GRHL3: variants seen among roughly 807,000 people sequenced by gnomAD.
The protein encoded by GRHL3 is grainyhead-like protein 3 homolog.
In GRHL3, 20 loss-of-function variants were observed where a neutral mutation model predicts 70.3. The ratio of observed to expected loss-of-function variants is 0.28; its 90% CI spans 0.20 to 0.41. The LOEUF is 0.41. Among genes scored for constraint, GRHL3 ranks in the 10% least tolerant of loss-of-function variants. The pLI is 1.00. For missense variants in GRHL3, 637 were observed against 762.3 expected, an observed-to-expected ratio of 0.84 and a Z score of 1.94; for synonymous variants, 299 against 299.9, an observed-to-expected ratio of 1.00 and a Z score of 0.03.
intron 15 of GRHL3, among the ~76,000 whole-genome samples, chr1:24,353,708 G>A (rs549429856): frequency 2.0e-5 from 3 of 152,286 alleles, no homozygotes; most frequent in African/African-American, 7.2e-5. Context: ...ATCAGGAGCA[G>A]CTTCTAGAGG....
intron 1 of GRHL3, among the ~76,000 whole-genome samples, chr1:24,320,917 C>T (rs1012901755): frequency 6.6e-6 from 1 of 152,174 alleles, no homozygotes; most frequent in African/African-American, 2.4e-5. Flanking sequence ...ACAGTAGTAT[C>T]CACCTCATGG....
chr1:24,353,860 G>A lies in GRHL3; in HGVS notation c.1695-514G>A, dbSNP rs750435108. On this transcript the variant is annotated intron_variant, in intron 15 of 15. Transcript: ENST00000361548. ...GTGGGCCTAGCCCCTCAAGTCTATC[G>A]GACAATCCTCCTGAGATTTCAGCTT... is the stretch of plus-strand genomic sequence containing the variant. Among the ~76,000 whole-genome samples the A allele has an allele frequency of 3.2e-4, 49 of 152,032 alleles. 1 individual carries two copies. The highest frequency in any genetic ancestry group is 1.0e-4 in the Non-Finnish European group (7 of 68,018).
chr1:24,358,284 G>C (rs957428192), downstream of GRHL3: 15 of 656,122 alleles, frequency 2.3e-5, no homozygotes, highest in Non-Finnish European at 3.9e-5. Flanking sequence ...CAGCCAGGGG[G>C]CTCTGTCCAC....
intron 7 of GRHL3, among the ~76,000 whole-genome samples, chr1:24,339,016 T>C (rs1639933763): frequency 1.3e-5 from 2 of 152,224 alleles, no homozygotes; most frequent in African/African-American, 4.8e-5. Context: ...ACTGTTGTTA[T>C]TACCATACTG....
rs1639937268 is a variant in GRHL3 at position 24,339,114 on chromosome 1, C to G, written c.953-554C>G. On this transcript the variant is annotated intron_variant, in intron 7 of 15. Transcript: ENST00000361548. The stretch of plus-strand genomic sequence containing the variant: ...CCCCCAACATGATGAGACTATTTGG[C>G]AAAGCTTGGGATTCCCTCTGGGGCT... Among the ~76,000 whole-genome samples, 3 of 152,170 alleles carry G rather than the reference C, an allele frequency of 2.0e-5. No homozygotes were observed. In the South Asian group the frequency reaches 6.2e-4, roughly 32 times the overall value.
intron 14 of GRHL3, among the ~76,000 whole-genome samples, chr1:24,347,919 G>T (rs1640356576): frequency 6.6e-6 from 1 of 152,108 alleles, no homozygotes; most frequent in African/African-American, 2.4e-5. Context: ...TTTCCCAGGG[G>T]GCCTCATTCT....
chr1:24,358,561 T>C, downstream of GRHL3: 1 of 1,614,040 alleles, frequency 6.2e-7, no homozygotes, highest in Non-Finnish European at 8.5e-7. Context: ...CCGGGATCCA[T>C]TTCTTGTCCT....
chr1:24,341,773 T>G (rs1007686030), intron 8 of GRHL3, among the ~76,000 whole-genome samples: 10 of 152,204 alleles, frequency 6.6e-5, no homozygotes, highest in African/African-American at 2.4e-4. Context: ...TAAGCTCCTA[T>G]AGGACTCTTG....
chr1:24,321,024 C>T lies in GRHL3; in HGVS notation c.17+1456C>T, dbSNP rs559822664. On this transcript the variant is annotated intron_variant, in intron 1 of 15. Coordinates refer to ENST00000361548, the MANE Select transcript of GRHL3 (RefSeq NM_198173.3). This position sits in a 1 kb window ranked among gnomAD's most constrained non-coding sequence, Gnocchi z 4.0. ...CCATTGTCATTTCATGTAGAACTAA[C>T]CAATCAATGAGCATTCCCAAACCTC... Among the ~76,000 whole-genome samples the T allele has an allele frequency of 3.0e-4, 46 of 152,276 alleles. No homozygotes were observed. The highest frequency in any genetic ancestry group is 1.1e-3 in the African/African-American group (45 of 41,548).
intron 15 of GRHL3, among the ~76,000 whole-genome samples, chr1:24,354,122 G>A (rs1383927491): frequency 1.3e-5 from 2 of 152,222 alleles, no homozygotes; most frequent in Non-Finnish European, 2.9e-5. Flanking sequence ...GCAATCCGGC[G>A]CAGTAGCTGT....
chr1:24,360,853 GGGCCAGGCAGGCCTGGCTGA>G, intron 15 of GRHL3: 2 of 1,610,508 alleles, frequency 1.2e-6, no homozygotes, highest in Non-Finnish European at 1.7e-6. Flanking sequence ...CCTCTGACCT[GGGCCAGGCAGGCCTGGCTGA>G]GGCGGCGCCG....
intron 15 of GRHL3, among the ~76,000 whole-genome samples, chr1:24,351,573 C>T (rs1198409329): frequency 2.0e-5 from 3 of 151,660 alleles, no homozygotes; most frequent in Non-Finnish European, 4.4e-5. Context: ...ACTCTCCCTT[C>T]AGCTCCAGTG....
chr1:24,323,368 G>C (rs1639277323), intron 1 of GRHL3, among the ~76,000 whole-genome samples: 1 of 152,120 alleles, frequency 6.6e-6, no homozygotes, highest in Non-Finnish European at 1.5e-5. Context: ...GTTTTCACAG[G>C]CCCTCCAGGT....
At chr1:24,335,475 A>G (rs1240907516) in intron 3 of GRHL3, among the ~76,000 whole-genome samples, 1 of 152,186 alleles carries the variant, frequency 6.6e-6, no homozygotes, top group Non-Finnish European at 1.5e-5. Flanking sequence ...TCAAACAGGC[A>G]TTGCAGCTCA....
At chr1:24,358,616 G>A (rs1345132257), downstream of GRHL3, 15 of 1,612,676 alleles carry the variant, frequency 9.3e-6, no homozygotes, top group East Asian at 1.8e-4. Context: ...TGGCTTGTAC[G>A]TAGCTGTGAG....
intron 11 of GRHL3, chr1:24,343,282 G>C (rs1640122737): frequency 2.2e-6 from 1 of 450,194 alleles, no homozygotes; most frequent in Non-Finnish European, 4.0e-6. Flanking sequence ...CAAAGAGGAG[G>C]CTTCTGATAT....
chr1:24,340,881 G>A (rs1381379974), intron 8 of GRHL3, among the ~76,000 whole-genome samples: 1 of 152,278 alleles, frequency 6.6e-6, no homozygotes, highest in East Asian at 1.9e-4. Context: ...GATGGGTTTC[G>A]GTGGGGATTT....
intron 1 of GRHL3, among the ~76,000 whole-genome samples, chr1:24,328,922 C>G (rs915567515): frequency 6.6e-6 from 1 of 152,154 alleles, no homozygotes; most frequent in Non-Finnish European, 1.5e-5. Context: ...TCAGGCATTT[C>G]CCTGCTTTTC....
chr1:24,349,547 C>A (rs1640424399), intron 14 of GRHL3, among the ~76,000 whole-genome samples: 1 of 152,238 alleles, frequency 6.6e-6, no homozygotes, highest in Admixed American at 6.5e-5. Context: ...GATCAATCCA[C>A]TTAATTCTTC....
Sources: gnomAD v4.1 joint callset for allele counts (sites outside exome capture counted in the v4.1 genomes callset) on GRCh38, gnomAD v4.1.1 for gene constraint, Gnocchi (gnomAD v3.1) non-coding constraint, MANE v1.5 for transcripts, NCBI Gene and HGNC (gene_info 2026-07-23, HGNC 2026-07-21) for gene names.